The following NCR1 variants were observed in gnomAD, a reference collection of about 807,000 sequenced individuals.
NCR1 encodes the protein NK cell-activating receptor.
In NCR1, 30 loss-of-function variants were observed where a neutral mutation model predicts 32.5. The ratio of observed to expected loss-of-function variants is 0.92; its 90% confidence interval spans 0.69 to 1.25. The LOEUF is 1.25. NCR1 is among the 50% of genes most tolerant of loss of function. The pLI is 0.00. For synonymous variants in NCR1, 169 were observed against 143.4 expected, an observed-to-expected ratio of 1.18 and a Z score of -1.28; for missense variants, 369 against 380.7, an observed-to-expected ratio of 0.97 and a Z score of 0.26.
chr19:54,924,734 G>C, the NCR1 span, among the ~76,000 whole-genome samples: 1 of 151,930 alleles, frequency 6.6e-6, no homozygotes, highest in East Asian at 1.9e-4. Flanking sequence ...TCAGGAATTC[G>C]AGACCAGCCT....
At chr19:54,924,556 G>A in the NCR1 span, among the ~76,000 whole-genome samples, 2 of 152,100 alleles carry the variant, frequency 1.3e-5, no homozygotes, top group African/African-American at 2.4e-5. Flanking sequence ...CCCAGGAGGC[G>A]GAGGTTGCAA....
At chr19:54,923,983 T>G in the NCR1 span, 1 of 1,217,970 alleles carries the variant, frequency 8.2e-7, no homozygotes, top group Non-Finnish European at 1.2e-6. Context: ...TGGGATTTTC[T>G]GGGGGACAGG....
upstream of NCR1, among the ~76,000 whole-genome samples, chr19:54,905,430 C>T (rs1431455452): frequency 1.3e-5 from 2 of 150,998 alleles, no homozygotes; most frequent in African/African-American, 2.4e-5. Flanking sequence ...ACAGAGAGTC[C>T]GGTTACCTTT....
At chr19:54,930,292 C>T in the NCR1 span, among the ~76,000 whole-genome samples, 3 of 151,558 alleles carry the variant, frequency 2.0e-5, no homozygotes, top group Non-Finnish European at 4.4e-5. Context: ...GATGACAAGA[C>T]CTCATCTCTA....
upstream of NCR1, among the ~76,000 whole-genome samples, chr19:54,901,959 T>G (rs1232140610): frequency 6.6e-6 from 1 of 152,212 alleles, no homozygotes; most frequent in East Asian, 1.9e-4. Context: ...CAGAGCAAGA[T>G]TCCATCTCCA....
chr19:54,909,560 C>T (rs1490695436), intron 4 of NCR1, 37 bp downstream of exon 4: 1 of 1,578,654 alleles, frequency 6.3e-7, no homozygotes, highest in East Asian at 2.2e-5. Context: ...CCTTCGCCGC[C>T]ATGTGCTACC....
downstream of NCR1, among the ~76,000 whole-genome samples, chr19:54,916,507 C>G (rs145888729): frequency 6.7e-6 from 1 of 150,176 alleles, no homozygotes; most frequent in East Asian, 2.0e-4. Context: ...TTAGTAGAGA[C>G]GGGGTTTCTC....
At chr19:54,914,179 C>CTTTTTT (rs901003519), downstream of NCR1, among the ~76,000 whole-genome samples, 1 of 92,622 alleles carries the variant, frequency 1.1e-5, no homozygotes, top group Non-Finnish European at 2.0e-5. Context: ...TTTTTTTTTT[C>CTTTTTT]TTTTTTTTTG....
the NCR1 span, chr19:54,923,858 T>G: frequency 3.7e-6 from 6 of 1,613,984 alleles, no homozygotes; most frequent in Non-Finnish European, 5.1e-6. Flanking sequence ...CAAATTAGTT[T>G]CATAGGTCTT....
At chr19:54,934,187 C>G in the NCR1 span, among the ~76,000 whole-genome samples, 7 of 152,160 alleles carry the variant, frequency 4.6e-5, no homozygotes, top group Non-Finnish European at 1.0e-4. This position sits in a 1 kb window ranked among gnomAD's most constrained non-coding sequence, Gnocchi z 6.7. Context: ...GTGATCTCCC[C>G]GCCTTGGCCT....
downstream of NCR1, among the ~76,000 whole-genome samples, chr19:54,916,382 G>A (rs1225581322): frequency 4.9e-5 from 7 of 143,084 alleles, no homozygotes; most frequent in East Asian, 6.1e-4. Context: ...GTGCAGTGGC[G>A]CGATCTTGAC....
At chr19:54,900,349 T>A in the NCR1 span, among the ~76,000 whole-genome samples, 1 of 151,906 alleles carries the variant, frequency 6.6e-6, no homozygotes, top group Non-Finnish European at 1.5e-5. Context: ...AAAATTACAG[T>A]CAAAAGGGGG....
At chr19:54,922,332 G>A in the NCR1 span, among the ~76,000 whole-genome samples, 1 of 152,204 alleles carries the variant, frequency 6.6e-6, no homozygotes, top group African/African-American at 2.4e-5. Context: ...AAATTGCGGA[G>A]TGACTTCTAT....
At chr19:54,926,864 C>T in the NCR1 span, among the ~76,000 whole-genome samples, 2 of 148,368 alleles carry the variant, frequency 1.3e-5, no homozygotes, top group African/African-American at 2.5e-5. Flanking sequence ...TGCACTGAGC[C>T]GAGATAGCGC....
At chr19:54,937,900 CAAAAA>C in the NCR1 span, 810 of 512,746 alleles carry the variant, frequency 1.6e-3, no homozygotes, top group East Asian at 2.2e-3. Context: ...TCCGTCTCAC[CAAAAA>C]AAAAAAAAAA....
At chr19:54,937,919 A>AAT in the NCR1 span, 2 of 783,506 alleles carry the variant, frequency 2.6e-6, no homozygotes, top group Non-Finnish European at 4.3e-6. Context: ...AAAAAAAAAA[A>AAT]AAGACAGCTG....
Position 54,912,793 on chromosome 19 carries a change from C to T in NCR1, c.837C>T (p.Ser279=). ...LVWFLVEDWL[S]RKRTRERASR... ...GGTTCCTGGTTGAAGACTGGCTCAG[C>T]AGGAAGAGGACTAGAGAGCGAGCCA... Residue 279 remains serine, a synonymous_variant, in exon 7 of 7, where the codon AGC becomes AGT. Coordinates refer to ENST00000291890, the MANE Select transcript of NCR1 (RefSeq NM_004829.7). 1 of 1,613,920 alleles carries T rather than the reference C, an allele frequency of 6.2e-7. No individual in the cohort carries two copies. Among genetic ancestry groups the T allele is most frequent in the Non-Finnish European group, 8.5e-7 (1 of 1,180,002 alleles).
the NCR1 span, among the ~76,000 whole-genome samples, chr19:54,935,657 G>A: frequency 2.5e-4 from 37 of 149,806 alleles, no homozygotes; most frequent in Non-Finnish European, 3.2e-4. Flanking sequence ...GCGCCACTGC[G>A]CTCCAGCCTG....
chr19:54,922,791 A>AAAC, the NCR1 span, among the ~76,000 whole-genome samples: 7 of 32,942 alleles, frequency 2.1e-4, no homozygotes, highest in South Asian at 6.2e-3. Flanking sequence ...AAAAAAAAAC[A>AAAC]AAAAAAAAAA....
Sources: gnomAD v4.1 joint callset for allele counts (sites outside exome capture counted in the v4.1 genomes callset) on GRCh38, gnomAD v4.1.1 for gene constraint, Gnocchi (gnomAD v3.1) non-coding constraint, MANE v1.5 for transcripts, NCBI Gene and HGNC (gene_info 2026-07-23, HGNC 2026-07-21) for gene names.